GHR: variants seen among roughly 807,000 people sequenced by gnomAD.
GHR encodes the protein GH receptor.
GHR carries 35 observed loss-of-function variants against 67.1 expected under a neutral mutation model. That is an observed-to-expected ratio of 0.52 (90% CI 0.40 to 0.69). The LOEUF (loss-of-function observed/expected upper bound fraction) is 0.69, where lower values mean the gene tolerates loss of function less well. GHR is among the 30% of genes least tolerant of loss of function. GHR has a pLI of 0.00. For synonymous variants in GHR, 272 were observed against 269.1 expected, an observed-to-expected ratio of 1.01 and a Z score of -0.10; for missense variants, 792 against 764.6, an observed-to-expected ratio of 1.04 and a Z score of -0.42.
intron 3 of GHR, among the ~76,000 whole-genome samples, chr5:42,683,152 C>T (rs1355885171): frequency 1.3e-5 from 2 of 152,152 alleles, no homozygotes; most frequent in Non-Finnish European, 2.9e-5. Flanking sequence ...CAGGTGCATG[C>T]CACCATGCCC....
At chr5:42,693,109 T>G (rs1757498129) in intron 4 of GHR, among the ~76,000 whole-genome samples, 3 of 151,700 alleles carry the variant, frequency 2.0e-5, no homozygotes, top group Admixed American at 6.6e-5. Context: ...ACTTTTTGCA[T>G]CAGAGATGAA....
chr5:42,624,505 C>T (rs1298940946), intron 2 of GHR, among the ~76,000 whole-genome samples: 2 of 152,162 alleles, frequency 1.3e-5, no homozygotes, highest in Non-Finnish European at 2.9e-5. Context: ...TTTAAAACCA[C>T]TTTATTGAGG....
intron 2 of GHR, among the ~76,000 whole-genome samples, chr5:42,576,046 T>TAATAA (rs1554021364): frequency 0.045 from 2,523 of 55,606 alleles, 92 homozygotes; most frequent in East Asian, 0.06. Flanking sequence ...AAAATTAAAA[T>TAATAA]AATAAAATAA....
chr5:42,467,160 C>T lies in GHR; in HGVS notation c.-12+43205C>T. Reference sequence around the variant, plus strand: ...AAGGAAGATCTCCACTGTGAATTCTCTGGTGGACAAAAAGGCAAGAGAGCT... The same window carrying T: ...AAGGAAGATCTCCACTGTGAATTCTTTGGTGGACAAAAAGGCAAGAGAGCT... On this transcript the variant is annotated intron_variant, in intron 1 of 9. Coordinates refer to ENST00000230882, the MANE Select transcript of GHR (RefSeq NM_000163.5). 2.5e-6 allele frequency: 4 copies of T among 1,599,704 alleles called. No individual in the cohort carries two copies. In the South Asian group the frequency reaches 4.4e-5, roughly 18 times the overall value.
At chr5:42,600,090 A>C (rs775025432) in intron 2 of GHR, among the ~76,000 whole-genome samples, 4 of 152,228 alleles carry the variant, frequency 2.6e-5, no homozygotes, top group Non-Finnish European at 5.9e-5. Context: ...GGAAAGGTGC[A>C]GAAAGTTCCA....
At chr5:42,478,301 T>C (rs1363286796) in intron 1 of GHR, among the ~76,000 whole-genome samples, 2 of 152,238 alleles carry the variant, frequency 1.3e-5, no homozygotes, top group East Asian at 3.8e-4. Flanking sequence ...GTAGTATAGT[T>C]TGAAGTCAGG....
At chr5:42,609,345 A>G (rs557938541) in intron 2 of GHR, among the ~76,000 whole-genome samples, 1 of 152,182 alleles carries the variant, frequency 6.6e-6, no homozygotes, top group Non-Finnish European at 1.5e-5. Flanking sequence ...GTAATGGCCA[A>G]CTTCCTGGGG....
At chr5:42,633,376 C>T (rs1461456683) in intron 3 of GHR, among the ~76,000 whole-genome samples, 2 of 152,114 alleles carry the variant, frequency 1.3e-5, no homozygotes, top group African/African-American at 4.8e-5. Flanking sequence ...AAAATATTAT[C>T]ATATTAGATA....
At chr5:42,587,013 A>G (rs1751511035) in intron 2 of GHR, among the ~76,000 whole-genome samples, 1 of 151,378 alleles carries the variant, frequency 6.6e-6, no homozygotes, top group African/African-American at 2.5e-5. Context: ...ACCCAAAAGT[A>G]ATACACACTG....
chr5:42,548,571 C>A, intron 1 of GHR: 1 of 844,978 alleles, frequency 1.2e-6, no homozygotes, highest in Non-Finnish European at 1.4e-6. Context: ...GATTAAAAGG[C>A]TGATAGTCAG....
intron 8 of GHR, among the ~76,000 whole-genome samples, chr5:42,716,292 T>C (rs1758719483): frequency 6.6e-6 from 1 of 152,172 alleles, no homozygotes; most frequent in African/African-American, 2.4e-5. Context: ...GATTTGAACA[T>C]GTTGCTTAAT....
intron 4 of GHR, among the ~76,000 whole-genome samples, chr5:42,690,128 G>T (rs1051196754): frequency 3.9e-5 from 6 of 152,218 alleles, no homozygotes; most frequent in African/African-American, 1.4e-4. Context: ...AAGATGCAGG[G>T]TTAGTGAGGA....
chr5:42,529,250 A>G (rs1331913157), intron 1 of GHR, among the ~76,000 whole-genome samples: 3 of 152,094 alleles, frequency 2.0e-5, no homozygotes, highest in African/African-American at 2.4e-5. Context: ...TGACCACGTG[A>G]TCCACCCTCC....
Position 42,538,400 on chromosome 5 carries a change from G to A in GHR, c.-11-27464G>A, listed in dbSNP as rs559258944. On this transcript the variant is annotated intron_variant, in intron 1 of 9. Transcript: ENST00000230882. ...GGGCCAATTCTCTCAGCATTTGTTCGTCTGAAAATGACTGTATCTTTCCTT... is the reference window on the plus strand; with the variant it reads ...GGGCCAATTCTCTCAGCATTTGTTCATCTGAAAATGACTGTATCTTTCCTT... Among the ~76,000 whole-genome samples, 36 of 152,256 alleles carry A rather than the reference G, an allele frequency of 2.4e-4. 1 individual carries two copies. The highest frequency in any genetic ancestry group is 3.9e-4 in the East Asian group (2 of 5,188).
chr5:42,584,011 G>A (rs948697278), intron 2 of GHR, among the ~76,000 whole-genome samples: 3 of 151,874 alleles, frequency 2.0e-5, no homozygotes, highest in Non-Finnish European at 2.9e-5. Flanking sequence ...GTCTCTTTGC[G>A]GTCCGTTAGT....
At chr5:42,585,902 G>A (rs1751451149) in intron 2 of GHR, among the ~76,000 whole-genome samples, 1 of 152,166 alleles carries the variant, frequency 6.6e-6, no homozygotes, top group Admixed American at 6.5e-5. Flanking sequence ...AAAATAGACT[G>A]GATTTGAATC....
intron 1 of GHR, among the ~76,000 whole-genome samples, chr5:42,440,333 G>C (rs1422169335): frequency 6.6e-6 from 1 of 152,146 alleles, no homozygotes; most frequent in Non-Finnish European, 1.5e-5. Flanking sequence ...GTTAGGGAAA[G>C]CTTCAAAAAT....
intron 1 of GHR, chr5:42,548,580 A>AG (rs1382628924): frequency 6.2e-6 from 5 of 802,150 alleles, no homozygotes; most frequent in Admixed American, 6.3e-5. Flanking sequence ...GCTGATAGTC[A>AG]GGGTTTTTTT....
chr5:42,672,965 A>G (rs1756390580), intron 3 of GHR, among the ~76,000 whole-genome samples: 1 of 152,186 alleles, frequency 6.6e-6, no homozygotes, highest in South Asian at 2.1e-4. Context: ...GAAACCAGCA[A>G]CAGAGTAAAC....
Sources: gnomAD v4.1 joint callset for allele counts (sites outside exome capture counted in the v4.1 genomes callset) on GRCh38, gnomAD v4.1.1 for gene constraint, MANE v1.5 for transcripts, NCBI Gene and HGNC (gene_info 2026-07-23, HGNC 2026-07-21) for gene names.